The following CTNND2 variants were observed in gnomAD, a reference collection of about 807,000 sequenced individuals.
CTNND2 encodes the protein catenin delta-2.
Under a neutral mutation model 144.4 loss-of-function variants are expected in CTNND2, and 22 were observed. The observed-to-expected ratio is 0.15, with a 90% CI of 0.11 to 0.22. The LOEUF (loss-of-function observed/expected upper bound fraction) is 0.22, where lower values mean the gene tolerates loss of function less well. Ranked by LOEUF, CTNND2 falls within the 10% of genes least tolerant of loss-of-function variation. CTNND2 has a pLI of 1.00. For synonymous variants in CTNND2, 751 were observed against 695.6 expected (o/e 1.08, Z -1.25); for missense variants, 1,353 against 1,618.8 (o/e 0.84, Z 2.82).
chr5:11,346,608 G>C lies in CTNND2; in HGVS notation c.1392C>G (p.Val464=), dbSNP rs1465606234. 6 of 1,529,794 alleles carry C rather than the reference G, an allele frequency of 3.9e-6. No homozygotes were observed. Among genetic ancestry groups the C allele is most frequent in the East Asian group, 2.4e-5 (1 of 41,272 alleles). The allele number at this position is 1,529,794 out of a possible 1,614,324, so 94.8% of individuals were successfully genotyped here. Residue 464 remains valine, a synonymous_variant, in exon 9 of 22, where the codon GTC becomes GTG. Coordinates refer to ENST00000304623, the MANE Select transcript of CTNND2 (RefSeq NM_001332.4). The part of the protein sequence containing the change: ...RTSTAPSSPG[V]DSVPLQRTGS... ...CTGTGCGCTGCAAGGGGACGGAGTC[G>C]ACACCAGGGGAAGATGGGGCTACGA...
At chr5:11,313,119 C>T (rs912705594) in intron 9 of CTNND2, among the ~76,000 whole-genome samples, 2 of 152,184 alleles carry the variant, frequency 1.3e-5, no homozygotes, top group African/African-American at 4.8e-5. Context: ...TGACACTTTC[C>T]CTCAACCCCT....
At chr5:11,166,495 C>T (rs754848984) in intron 11 of CTNND2, among the ~76,000 whole-genome samples, 7 of 151,852 alleles carry the variant, frequency 4.6e-5, no homozygotes, top group Non-Finnish European at 7.4e-5. Context: ...ATGATCCACC[C>T]GCTTTGGCCT....
chr5:11,769,131 C>G (rs1240429020), intron 1 of CTNND2, among the ~76,000 whole-genome samples: 1 of 152,090 alleles, frequency 6.6e-6, no homozygotes, highest in Non-Finnish European at 1.5e-5. Context: ...GAACTTAAAC[C>G]TTCTGAATTC....
At chr5:11,478,943 A>G (rs1388347049) in intron 3 of CTNND2, among the ~76,000 whole-genome samples, 3 of 152,242 alleles carry the variant, frequency 2.0e-5, no homozygotes, top group Admixed American at 2.0e-4. Context: ...AGCAACATTT[A>G]GAAACTACTA....
chr5:11,465,775 C>T (rs1176265175), intron 3 of CTNND2, among the ~76,000 whole-genome samples: 2 of 152,168 alleles, frequency 1.3e-5, no homozygotes, highest in Non-Finnish European at 2.9e-5. Context: ...ATGACCAACT[C>T]CATCTGGAGT....
intron 1 of CTNND2, among the ~76,000 whole-genome samples, chr5:11,764,751 C>T (rs938173365): frequency 1.3e-5 from 2 of 152,168 alleles, no homozygotes; most frequent in Admixed American, 1.3e-4. Flanking sequence ...GTTGACTGTG[C>T]TATTAAACAT....
chr5:11,539,185 T>C (rs961368211), intron 3 of CTNND2, among the ~76,000 whole-genome samples: 10 of 152,292 alleles, frequency 6.6e-5, no homozygotes, highest in Non-Finnish European at 1.2e-4. Context: ...TAAGAGATTT[T>C]TGAAACATCG....
At chr5:11,068,641 C>G (rs1355250222) in intron 16 of CTNND2, among the ~76,000 whole-genome samples, 1 of 152,190 alleles carries the variant, frequency 6.6e-6, no homozygotes, top group African/African-American at 2.4e-5. Context: ...CTAGGCCAGG[C>G]GCGGTGGCTC....
intron 1 of CTNND2, among the ~76,000 whole-genome samples, chr5:11,746,175 T>G (rs1220514848): frequency 6.6e-6 from 1 of 152,142 alleles, no homozygotes; most frequent in Admixed American, 6.5e-5. Context: ...CCACTCCCAA[T>G]ACATCTTAAT....
chr5:11,746,177 C>T (rs1356886934), intron 1 of CTNND2, among the ~76,000 whole-genome samples: 1 of 152,166 alleles, frequency 6.6e-6, no homozygotes, highest in Non-Finnish European at 1.5e-5. Flanking sequence ...ACTCCCAATA[C>T]ATCTTAATAA....
chr5:11,333,627 C>T (rs32139), intron 9 of CTNND2, among the ~76,000 whole-genome samples: 78,171 of 152,072 alleles, frequency 0.51, 20,356 homozygotes, highest in Middle Eastern at 0.65. Flanking sequence ...ACAATCTTCA[C>T]TTATGACACC....
chr5:11,602,797 A>G (rs1779871156), intron 2 of CTNND2, among the ~76,000 whole-genome samples: 1 of 146,256 alleles, frequency 6.8e-6, no homozygotes, highest in South Asian at 2.1e-4. Context: ...TAAATATAAT[A>G]TATATTAATA....
At position 11,300,093 on chromosome 5, in the gene CTNND2, T is replaced by C. The variant is rs150931597; in HGVS notation, c.1628+46279A>G. Among the ~76,000 whole-genome samples, 36 of 152,278 alleles carry C rather than the reference T, an allele frequency of 2.4e-4. No individual in the cohort carries two copies. The South Asian group carries it at 6.8e-3, about 29-fold the overall frequency. The stretch of plus-strand genomic sequence containing the variant: ...GCCTCTGGGGGTGCAGGGACTCCAT[T>C]TCAGGAGAGACTTCTAAGTTGCCCA... On this transcript the variant is annotated intron_variant, in intron 9 of 21. Coordinates refer to ENST00000304623, the MANE Select transcript of CTNND2 (RefSeq NM_001332.4).
At chr5:11,880,991 C>A (rs1479673854) in intron 1 of CTNND2, among the ~76,000 whole-genome samples, 5 of 147,672 alleles carry the variant, frequency 3.4e-5, no homozygotes, top group African/African-American at 9.9e-5. Context: ...ACTACTACTG[C>A]TACTAGTACT....
chr5:11,447,337 G>A (rs1030110932), intron 3 of CTNND2, among the ~76,000 whole-genome samples: 3 of 145,708 alleles, frequency 2.1e-5, no homozygotes, highest in African/African-American at 5.3e-5. Flanking sequence ...GGGAGATGCC[G>A]TTTACAAAAA....
intron 14 of CTNND2, among the ~76,000 whole-genome samples, chr5:11,100,142 C>T (rs1447406196): frequency 6.6e-6 from 1 of 152,186 alleles, no homozygotes; most frequent in African/African-American, 2.4e-5. Flanking sequence ...GCTGCTGTCA[C>T]AAATAATTTC....
At chr5:11,768,702 A>G (rs888356133) in intron 1 of CTNND2, among the ~76,000 whole-genome samples, 6 of 152,146 alleles carry the variant, frequency 3.9e-5, no homozygotes, top group Admixed American at 2.6e-4. Context: ...ATACTATCCC[A>G]TGCTCATTGA....
At chr5:11,127,789 C>T (rs1754830090) in intron 12 of CTNND2, among the ~76,000 whole-genome samples, 1 of 152,166 alleles carries the variant, frequency 6.6e-6, no homozygotes, top group Non-Finnish European at 1.5e-5. Context: ...GATTACTCAT[C>T]CAGCTCGGAT....
chr5:11,344,559 C>A (rs1242744924), intron 9 of CTNND2, among the ~76,000 whole-genome samples: 2 of 151,956 alleles, frequency 1.3e-5, no homozygotes, highest in African/African-American at 2.4e-5. Flanking sequence ...TTTGTTTTTT[C>A]TTTTCTTTTC....
Sources: allele counts gnomAD v4.1 joint callset (sites outside exome capture counted in the v4.1 genomes callset), GRCh38; gene constraint gnomAD v4.1.1; transcripts MANE v1.5; gene names NCBI Gene and HGNC (gene_info 2026-07-23, HGNC 2026-07-21).